IMMP2L: variants seen among roughly 807,000 people sequenced by gnomAD.
The protein encoded by IMMP2L is mitochondrial inner membrane protease subunit 2.
Under a neutral mutation model 19.3 loss-of-function variants are expected in IMMP2L, and 18 were observed. That is an observed-to-expected ratio of 0.93 (90% CI 0.64 to 1.38). The LOEUF (loss-of-function observed/expected upper bound fraction) is 1.38. Among genes scored for constraint, IMMP2L ranks in the 40% most tolerant of loss-of-function variants. The probability of loss-of-function intolerance (pLI) is 0.00; values close to 1 mark genes in which losing one functional copy is unlikely to be tolerated. For synonymous variants in IMMP2L, 76 were observed against 73.0 expected (o/e 1.04, Z -0.21); for missense variants, 233 against 218.2 (o/e 1.07, Z -0.43).
At chr7:111,424,319 G>A (rs1835869515) in intron 3 of IMMP2L, among the ~76,000 whole-genome samples, 1 of 151,690 alleles carries the variant, frequency 6.6e-6, no homozygotes, top group African/African-American at 2.4e-5. Flanking sequence ...AAGAGAATGA[G>A]GGAGAGAAGG....
intron 4 of IMMP2L, chr7:110,962,305 A>C (rs1042665058): frequency 1.3e-5 from 2 of 152,028 alleles, no homozygotes; most frequent in Non-Finnish European, 2.9e-5. Context: ...TTAAAATAGA[A>C]AATTGTTTTA....
intron 3 of IMMP2L, among the ~76,000 whole-genome samples, chr7:111,041,356 G>A (rs1791878986): frequency 6.6e-6 from 1 of 152,056 alleles, no homozygotes; most frequent in South Asian, 2.1e-4. Flanking sequence ...GTCTAAGCAT[G>A]TACTTCTGTC....
intron 5 of IMMP2L, among the ~76,000 whole-genome samples, chr7:110,794,442 T>C (rs1390364928): frequency 6.6e-6 from 1 of 152,112 alleles, no homozygotes; most frequent in Non-Finnish European, 1.5e-5. Flanking sequence ...ATTCTGGATA[T>C]ACACAAAACT....
intron 5 of IMMP2L, among the ~76,000 whole-genome samples, chr7:110,841,354 AAAC>A (rs1391685664): frequency 6.6e-6 from 1 of 151,874 alleles, no homozygotes; most frequent in Admixed American, 6.6e-5. Context: ...AGATGGATAT[AAAC>A]AACAGATGAG....
chr7:110,868,117 T>TTGTGTGTGTGTGTG (rs71151813), intron 5 of IMMP2L, among the ~76,000 whole-genome samples: 39,697 of 143,978 alleles, frequency 0.28, 6,512 homozygotes, highest in East Asian at 0.48. Context: ...CTTGTGAGGT[T>TTGTGTGTGTGTGTG]TGTGTGTGTG....
At chr7:110,668,819 C>G (rs762736664) in intron 5 of IMMP2L, among the ~76,000 whole-genome samples, 24 of 150,384 alleles carry the variant, frequency 1.6e-4, no homozygotes, top group Non-Finnish European at 3.0e-4. Flanking sequence ...GAGAGAGTGT[C>G]TGTTCATCCT....
chr7:111,023,778 G>A (rs934861338), intron 3 of IMMP2L, among the ~76,000 whole-genome samples: 10 of 152,086 alleles, frequency 6.6e-5, no homozygotes, highest in South Asian at 2.1e-4. Context: ...CATGAATGAC[G>A]GGGATGTAGT....
intron 3 of IMMP2L, among the ~76,000 whole-genome samples, chr7:111,073,734 A>C (rs1795153742): frequency 6.6e-6 from 1 of 152,188 alleles, no homozygotes; most frequent in Non-Finnish European, 1.5e-5. Context: ...TTTTCCTGAA[A>C]TAGAGATCAC....
At chr7:111,539,291 C>T (rs1751334892) in intron 1 of IMMP2L, among the ~76,000 whole-genome samples, 3 of 151,802 alleles carry the variant, frequency 2.0e-5, no homozygotes, top group Admixed American at 2.0e-4. Flanking sequence ...TCGATTACTA[C>T]ATATATATCT....
At chr7:111,282,115 T>C (rs1819950121) in intron 3 of IMMP2L, among the ~76,000 whole-genome samples, 1 of 152,134 alleles carries the variant, frequency 6.6e-6, no homozygotes, top group South Asian at 2.1e-4. Flanking sequence ...TAATAAAACA[T>C]AGCCTCATAA....
At chr7:111,236,772 G>A (rs1466735347) in intron 3 of IMMP2L, among the ~76,000 whole-genome samples, 1 of 152,042 alleles carries the variant, frequency 6.6e-6, no homozygotes, top group African/African-American at 2.4e-5. Flanking sequence ...TCCTCCCTGT[G>A]CTGGGCCCTG....
chr7:111,497,524 G>C lies in IMMP2L; in HGVS notation c.136-10183C>G, dbSNP rs79481768. On this transcript the variant is annotated intron_variant, in intron 2 of 5. Coordinates refer to ENST00000405709, the MANE Select transcript of IMMP2L (RefSeq NM_032549.4). ...TGTGGAAAAATATATATTTGGATATGTCTGGAGAATAAGTGAAAAATGCGA... is the reference window on the plus strand; with the variant it reads ...TGTGGAAAAATATATATTTGGATATCTCTGGAGAATAAGTGAAAAATGCGA... 3.9e-3 allele frequency among the ~76,000 whole-genome samples: 592 copies of C among 152,200 alleles called. 3 individuals carry two copies. The highest frequency in any genetic ancestry group is 0.013 in the African/African-American group (531 of 41,544).
In IMMP2L at chr7:111,370,360, T is replaced by C. The variant is rs185327835; in HGVS notation, c.239+116878A>G. ...GAAATTCCTATTGATATTGAATGTG[T>C]TCATTTAGCAAATACCTCTAGAATA... On this transcript the variant is annotated intron_variant, in intron 3 of 5. Coordinates refer to ENST00000405709, the MANE Select transcript of IMMP2L (RefSeq NM_032549.4). Among the ~76,000 whole-genome samples the C allele has an allele frequency of 2.0e-5, 3 of 152,138 alleles. No homozygotes were observed. In the East Asian group the frequency reaches 5.8e-4, roughly 29 times the overall value.
intron 3 of IMMP2L, among the ~76,000 whole-genome samples, chr7:111,193,436 G>C (rs778274543): frequency 3.3e-5 from 5 of 152,136 alleles, no homozygotes; most frequent in Non-Finnish European, 5.9e-5. Flanking sequence ...CGGTGATAAA[G>C]TGTGGTAATG....
intron 3 of IMMP2L, among the ~76,000 whole-genome samples, chr7:111,241,376 T>G (rs528100794): frequency 6.6e-6 from 1 of 152,082 alleles, no homozygotes; most frequent in Admixed American, 6.6e-5. Flanking sequence ...TTTGTAAAAA[T>G]TTTATTCTTG....
chr7:110,782,668 T>G (rs1003499005), intron 5 of IMMP2L, among the ~76,000 whole-genome samples: 1 of 151,946 alleles, frequency 6.6e-6, no homozygotes, highest in Admixed American at 6.6e-5. Flanking sequence ...TAACACTTAA[T>G]AGGTACTTAC....
At chr7:111,054,908 T>C (rs949143783) in intron 3 of IMMP2L, among the ~76,000 whole-genome samples, 2 of 152,146 alleles carry the variant, frequency 1.3e-5, no homozygotes, top group Admixed American at 1.3e-4. Flanking sequence ...GCTCAATCTA[T>C]ATATTCTTCA....
At chr7:110,860,940 G>A (rs563928399) in intron 5 of IMMP2L, among the ~76,000 whole-genome samples, 26 of 152,100 alleles carry the variant, frequency 1.7e-4, no homozygotes, top group African/African-American at 5.3e-4. Context: ...GGATAAAAAT[G>A]TATGTAATGA....
intron 3 of IMMP2L, among the ~76,000 whole-genome samples, chr7:111,168,283 T>G (rs1806052653): frequency 6.6e-6 from 1 of 151,482 alleles, no homozygotes; most frequent in African/African-American, 2.4e-5. Context: ...TAAGTTCTGT[T>G]TTTTTTTTCT....
Sources: allele counts gnomAD v4.1 joint callset (sites outside exome capture counted in the v4.1 genomes callset), GRCh38; gene constraint gnomAD v4.1.1; transcripts MANE v1.5; gene names NCBI Gene and HGNC (gene_info 2026-07-23, HGNC 2026-07-21).